USP34: variants seen among roughly 807,000 people sequenced by gnomAD.
USP34 encodes the protein ubiquitin specific peptidase 34.
In USP34, 70 loss-of-function variants were observed where a neutral mutation model predicts 460.3. The ratio of observed to expected loss-of-function variants is 0.15; its 90% confidence interval spans 0.13 to 0.19. USP34 has a LOEUF of 0.19. USP34 is among the 10% of genes least tolerant of loss of function. USP34 has a pLI of 1.00. For missense variants in USP34, 3,985 were observed against 4,236.2 expected, an observed-to-expected ratio of 0.94 and a Z score of 1.65; for synonymous variants, 1,647 against 1,405.3, an observed-to-expected ratio of 1.17 and a Z score of -3.85.
intron 10 of USP34, among the ~76,000 whole-genome samples, chr2:61,361,065 T>C (rs1328203953): frequency 6.6e-6 from 1 of 151,644 alleles, no homozygotes; most frequent in African/African-American, 2.4e-5. Flanking sequence ...AAGAATAGAG[T>C]TGGAAGTATC....
Position 61,188,442 on chromosome 2 carries a change from T to A in USP34, c.10301A>T (p.His3434Leu). ...ACCATTGTTGGACTGTTCTTCTGCA[T>A]GCTGTGACCTGATATTTGACATGTC... ...SEDMSNIRSQ[H>L]AEEQSNNGRY... Residue 3434 changes from histidine (H) to leucine (L), a missense_variant, in exon 80 of 80, where the codon CAT becomes CTT. By Grantham distance (99) the His-to-Leu change is moderately conservative. Transcript: ENST00000398571. 1 of 1,614,238 alleles carries A rather than the reference T, an allele frequency of 6.2e-7. No individual in the cohort carries two copies. The highest frequency in any genetic ancestry group is 8.5e-7 in the Non-Finnish European group (1 of 1,180,034).
At chr2:61,199,317 G>A (rs1235104237) in intron 75 of USP34, among the ~76,000 whole-genome samples, 5 of 151,648 alleles carry the variant, frequency 3.3e-5, no homozygotes, top group East Asian at 1.9e-4. Flanking sequence ...GTGCAATGGC[G>A]CCATCTCGGC....
intron 41 of USP34, among the ~76,000 whole-genome samples, chr2:61,271,716 G>T (rs1213062806): frequency 6.6e-6 from 1 of 151,848 alleles, no homozygotes; most frequent in African/African-American, 2.4e-5. Flanking sequence ...GGAAGGAGGA[G>T]GAAGCAGTAG....
chr2:61,300,995 A>G lies in USP34; in HGVS notation c.4084T>C (p.Ser1362Pro). The G allele has an allele frequency of 1.2e-6, 2 of 1,613,886 alleles. No individual in the cohort carries two copies. The highest frequency in any genetic ancestry group is 1.7e-6 in the Non-Finnish European group (2 of 1,179,932). The change falls in exon 29 of 80, where the codon TCA (serine) becomes CCA (proline). Residue 1362 changes from serine to proline, a missense_variant. Transcript: ENST00000398571. Reference protein sequence around the residue: ...TLFDLLEMLASFKPPSGKVAV... With the variant: ...TLFDLLEMLAPFKPPSGKVAV... ...ACTTTTCCTGAGGGTGGTTTAAATG[A>G]TGCAAGCATCTCTAATAAATCAAAA...
At chr2:61,462,171 G>A (rs1312439163) in intron 1 of USP34, among the ~76,000 whole-genome samples, 6 of 151,592 alleles carry the variant, frequency 4.0e-5, no homozygotes, top group Non-Finnish European at 7.4e-5. Context: ...CCCGGGAGGC[G>A]GAGGTTGCAG....
intron 10 of USP34, among the ~76,000 whole-genome samples, chr2:61,364,173 G>A (rs1692360040): frequency 6.6e-6 from 1 of 152,146 alleles, no homozygotes; most frequent in Admixed American, 6.6e-5. Flanking sequence ...CCCAAACATT[G>A]GAGACCAGCC....
chr2:61,338,871 T>C (rs1174507636), intron 18 of USP34, among the ~76,000 whole-genome samples: 1 of 152,232 alleles, frequency 6.6e-6, no homozygotes, highest in Non-Finnish European at 1.5e-5. Flanking sequence ...TATATACAAC[T>C]TGATGAGTTA....
intron 28 of USP34, 38 bp downstream of exon 28, chr2:61,301,316 C>G (rs753635292): frequency 6.3e-7 from 1 of 1,597,528 alleles, no homozygotes; most frequent in Non-Finnish European, 8.6e-7. Flanking sequence ...TGATTATAAA[C>G]AGATCATTAA....
intron 3 of USP34, among the ~76,000 whole-genome samples, chr2:61,399,436 C>A (rs1045408189): frequency 6.6e-6 from 1 of 151,782 alleles, no homozygotes; most frequent in African/African-American, 2.4e-5. Context: ...AACTGTTTTG[C>A]CACTCTATTT....
At chr2:61,343,682 C>T (rs951954063) in intron 16 of USP34, 133 bp downstream of exon 16, 7 of 852,736 alleles carry the variant, frequency 8.2e-6, no homozygotes, top group Non-Finnish European at 1.2e-5. Context: ...AAAAAAAAAA[C>T]TACCATATGT....
chr2:61,188,478 G>A lies in USP34; in HGVS notation c.10265C>T (p.Ser3422Leu), dbSNP rs757097700. ...GATATTTGACATGTCTTCTGAAAAC[G>A]AAGATGGAACTTCCATTCGGTATTC... Reference protein sequence around the residue: ...VKEYRMEVPSSFSEDMSNIRS... With the variant: ...VKEYRMEVPSLFSEDMSNIRS... The change falls in exon 80 of 80, where the codon TCG becomes TTG. Residue 3422 changes from serine (S) to leucine (L), a missense_variant. By Grantham distance (145) the Ser-to-Leu change is moderately radical. This residue lies in a region of USP34 where 506 missense variants were observed against 439.0 expected (regional missense o/e 1.15). Coordinates refer to ENST00000398571, the MANE Select transcript of USP34 (RefSeq NM_014709.4). 10 of 1,614,036 alleles carry A rather than the reference G, an allele frequency of 6.2e-6. No individual in the cohort carries two copies. The South Asian group carries it at 6.6e-5, about 11-fold the overall frequency.
intron 27 of USP34, among the ~76,000 whole-genome samples, chr2:61,304,243 A>C (rs1690331938): frequency 6.6e-6 from 1 of 152,184 alleles, no homozygotes; most frequent in African/African-American, 2.4e-5. Context: ...GAGACAATTA[A>C]ATGTAATGAT....
At chr2:61,414,979 AGGGGACC>A (rs1694151120) in intron 2 of USP34, among the ~76,000 whole-genome samples, 1 of 152,190 alleles carries the variant, frequency 6.6e-6, no homozygotes, top group Non-Finnish European at 1.5e-5. Context: ...TAGTTGCAGG[AGGGGACC>A]AATTAGAGGT....
rs1691260023 is a variant in USP34, at chr2:61,331,482, T to C, written c.2835-111A>G. 5 of 796,538 alleles carry C rather than the reference T, an allele frequency of 6.3e-6. No individual in the cohort carries two copies. In the East Asian group the frequency reaches 1.2e-4, roughly 19 times the overall value. 49.3% of individuals were successfully genotyped at this position (796,538 alleles called of 1,614,324 possible). A position where few individuals can be genotyped will look rare whatever the true frequency, so the allele number is the denominator to read the frequency against. ...AAAAAAATCTTCAAATGTAAAATTT[T>C]AGTTACGAAAAATATACACGTTTTA... is the stretch of plus-strand genomic sequence containing the variant. On this transcript the variant is annotated intron_variant, in intron 19 of 79. Coordinates refer to ENST00000398571, the MANE Select transcript of USP34 (RefSeq NM_014709.4).
intron 2 of USP34, among the ~76,000 whole-genome samples, chr2:61,415,470 T>C (rs1284770019): frequency 1.3e-5 from 2 of 152,172 alleles, no homozygotes; most frequent in Non-Finnish European, 2.9e-5. Context: ...TTGATGTAAC[T>C]ATACTGAGAG....
intron 21 of USP34, among the ~76,000 whole-genome samples, chr2:61,321,005 C>T (rs181176862): frequency 2.4e-3 from 363 of 151,472 alleles, no homozygotes; most frequent in African/African-American, 3.6e-3. Flanking sequence ...AGCAAGACTC[C>T]GTGTCAAAAA....
At chr2:61,307,309 C>A (rs1338176423) in intron 27 of USP34, among the ~76,000 whole-genome samples, 2 of 109,782 alleles carry the variant, frequency 1.8e-5, no homozygotes, top group Non-Finnish European at 3.4e-5. Flanking sequence ...ACACCGGGGC[C>A]TGTCATGGGG....
chr2:61,431,781 G>A lies in USP34; in HGVS notation c.44-10948C>T, dbSNP rs189991643. ...CGGCAGGAGAATCACTTGAACCCGGGAGGCGGAGGTTGCAGTGAGCTGAAA... is the reference window on the plus strand; with the variant it reads ...CGGCAGGAGAATCACTTGAACCCGGAAGGCGGAGGTTGCAGTGAGCTGAAA... On this transcript the variant is annotated intron_variant, in intron 1 of 79. Coordinates refer to ENST00000398571, the MANE Select transcript of USP34 (RefSeq NM_014709.4). Among the ~76,000 whole-genome samples, 119 of 152,224 alleles carry A rather than the reference G, an allele frequency of 7.8e-4. 1 individual carries two copies. The highest frequency in any genetic ancestry group is 2.6e-3 in the African/African-American group (106 of 41,554).
At chr2:61,416,626 T>C (rs577454198) in intron 2 of USP34, among the ~76,000 whole-genome samples, 40 of 152,232 alleles carry the variant, frequency 2.6e-4, no homozygotes, top group Non-Finnish European at 5.0e-4. Flanking sequence ...TCGGTGCTTG[T>C]CATACATGAT....
Sources: allele counts gnomAD v4.1 joint callset (sites outside exome capture counted in the v4.1 genomes callset), GRCh38; gene constraint gnomAD v4.1.1; regional missense constraint gnomAD v4.1.1; transcripts MANE v1.5; gene names NCBI Gene and HGNC (gene_info 2026-07-23, HGNC 2026-07-21).